The following MCF2L2 variants were observed in gnomAD, a reference collection of about 807,000 sequenced individuals.
MCF2L2 encodes the protein probable guanine nucleotide exchange factor MCF2L2.
In MCF2L2, 102 loss-of-function variants were observed where a neutral mutation model predicts 150.2. The ratio of observed to expected loss-of-function variants is 0.68; its 90% CI spans 0.58 to 0.80. MCF2L2 has a LOEUF of 0.80. Among genes scored for constraint, MCF2L2 ranks in the 30% least tolerant of loss-of-function variants. MCF2L2 has a pLI of 0.00. For synonymous variants in MCF2L2, 465 were observed against 491.3 expected (o/e 0.95, Z 0.71); for missense variants, 1,256 against 1,372.8 (o/e 0.91, Z 1.34).
intron 1 of MCF2L2, among the ~76,000 whole-genome samples, chr3:183,406,909 T>C (rs1347506830): frequency 6.6e-6 from 1 of 152,224 alleles, no homozygotes; most frequent in Non-Finnish European, 1.5e-5. Flanking sequence ...ATTTCTCTTA[T>C]GAACCAGACT....
In MCF2L2 at chr3:183,398,585, G is replaced by C. The variant is rs538801518; in HGVS notation, c.77-8806C>G. On this transcript the variant is annotated intron_variant, in intron 1 of 29. Coordinates refer to ENST00000328913, the MANE Select transcript of MCF2L2 (RefSeq NM_015078.4). ...TTCTTTAAAAAAAGAAAAAAGGGAG[G>C]AGGGACAGTCAGTGGAAAAGCAAAC... is the stretch of plus-strand genomic sequence containing the variant. 2.0e-5 allele frequency among the ~76,000 whole-genome samples: 3 copies of C among 151,820 alleles called. No homozygotes were observed. In the South Asian group the frequency reaches 6.2e-4, roughly 32 times the overall value.
chr3:183,301,354 G>A (rs1577044367), intron 10 of MCF2L2, among the ~76,000 whole-genome samples: 1 of 152,116 alleles, frequency 6.6e-6, no homozygotes, highest in East Asian at 1.9e-4. Context: ...TAGGTCATAT[G>A]GTATCTTAGA....
chr3:183,298,110 A>T (rs1270887626), intron 11 of MCF2L2: 1 of 152,224 alleles, frequency 6.6e-6, no homozygotes, highest in African/African-American at 2.4e-5. Context: ...TTTGTAACTC[A>T]GCACAGCGAT....
chr3:183,228,472 G>C, intron 17 of MCF2L2, 106 bp from the exon 18 acceptor site: 1 of 699,996 alleles, frequency 1.4e-6, no homozygotes, highest in South Asian at 1.8e-5. Flanking sequence ...CTAGAAAAAT[G>C]TTCTCCAGGC....
chr3:183,407,904 C>T (rs752697773), intron 1 of MCF2L2, among the ~76,000 whole-genome samples: 2 of 151,846 alleles, frequency 1.3e-5, no homozygotes, highest in Admixed American at 6.6e-5. Flanking sequence ...CTCTTCACGG[C>T]GGGGGAGAAA....
chr3:183,317,919 G>A, intron 7 of MCF2L2, 149 bp downstream of exon 7: 5 of 955,524 alleles, frequency 5.2e-6, no homozygotes, highest in Non-Finnish European at 6.1e-6. Context: ...CTGCCTGTCT[G>A]GAAGGTTTAA....
chr3:183,209,511 C>T (rs920206358), intron 22 of MCF2L2, among the ~76,000 whole-genome samples: 4 of 152,022 alleles, frequency 2.6e-5, no homozygotes, highest in Admixed American at 6.6e-5. Flanking sequence ...TTTTTTGAGA[C>T]GGAGTCTTAC....
chr3:183,394,904 G>A (rs62287164), intron 1 of MCF2L2, among the ~76,000 whole-genome samples: 39,237 of 152,070 alleles, frequency 0.26, 5,937 homozygotes, highest in Non-Finnish European at 0.36. Flanking sequence ...TTGGAAAGTC[G>A]TTTCTCAATC....
At chr3:183,380,604 G>A (rs574262122) in intron 2 of MCF2L2, among the ~76,000 whole-genome samples, 5 of 152,172 alleles carry the variant, frequency 3.3e-5, no homozygotes, top group South Asian at 2.1e-4. Flanking sequence ...GTTTCATCAC[G>A]TTGGCCAGGC....
chr3:183,207,195 G>A (rs935839657), intron 23 of MCF2L2, among the ~76,000 whole-genome samples: 4 of 152,070 alleles, frequency 2.6e-5, no homozygotes, highest in African/African-American at 9.7e-5. Context: ...TGTGGGCCTG[G>A]GTGCCTTAGA....
intron 2 of MCF2L2, among the ~76,000 whole-genome samples, chr3:183,386,673 T>C (rs908817304): frequency 1.3e-5 from 2 of 152,180 alleles, no homozygotes; most frequent in African/African-American, 4.8e-5. Flanking sequence ...AAAAGGAAGC[T>C]GCTATGAGTT....
chr3:183,320,916 G>A (rs921535897), intron 6 of MCF2L2, among the ~76,000 whole-genome samples: 1 of 152,120 alleles, frequency 6.6e-6, no homozygotes, highest in Non-Finnish European at 1.5e-5. Context: ...AACACTTAGA[G>A]GTCATTGTAA....
chr3:183,263,574 T>C (rs1725817225), intron 15 of MCF2L2, among the ~76,000 whole-genome samples: 1 of 152,166 alleles, frequency 6.6e-6, no homozygotes, highest in Non-Finnish European at 1.5e-5. Context: ...TCCAGGCCCA[T>C]TGCTGTCTCT....
At chr3:183,351,225 T>C (rs1382487242) in intron 3 of MCF2L2, among the ~76,000 whole-genome samples, 1 of 94,272 alleles carries the variant, frequency 1.1e-5, no homozygotes, top group Non-Finnish European at 1.9e-5. Flanking sequence ...TATATATATA[T>C]ATATATATAT....
intron 15 of MCF2L2, among the ~76,000 whole-genome samples, chr3:183,262,009 TATATGA>T (rs1242442044): frequency 4.1e-5 from 6 of 144,736 alleles, no homozygotes; most frequent in African/African-American, 1.3e-4. Flanking sequence ...TATATATATA[TATATGA>T]ATATTTATTA....
At chr3:183,212,088 T>C (rs1722742739) in intron 22 of MCF2L2, among the ~76,000 whole-genome samples, 1 of 152,020 alleles carries the variant, frequency 6.6e-6, no homozygotes, top group South Asian at 2.1e-4. Flanking sequence ...AGGCAGAAAT[T>C]GGAGTGGCAC....
At chr3:183,343,736 T>A (rs576807850) in intron 3 of MCF2L2, among the ~76,000 whole-genome samples, 17 of 152,198 alleles carry the variant, frequency 1.1e-4, no homozygotes, top group Non-Finnish European at 1.8e-4. Context: ...ACGTTAAATA[T>A]GTGAATAAGT....
At chr3:183,258,060 T>C (rs1395798649) in intron 15 of MCF2L2, among the ~76,000 whole-genome samples, 1 of 131,438 alleles carries the variant, frequency 7.6e-6, no homozygotes, top group Non-Finnish European at 1.6e-5. Context: ...CTCCGCCTCC[T>C]GGGTTCAAGC....
intron 5 of MCF2L2, among the ~76,000 whole-genome samples, chr3:183,324,598 T>C (rs1018513328): frequency 1.3e-5 from 2 of 152,084 alleles, no homozygotes; most frequent in African/African-American, 2.4e-5. Flanking sequence ...CCAGGTACGG[T>C]GGTTTGCACC....
Sources: allele counts gnomAD v4.1 joint callset (sites outside exome capture counted in the v4.1 genomes callset), GRCh38; gene constraint gnomAD v4.1.1; transcripts MANE v1.5; gene names NCBI Gene and HGNC (gene_info 2026-07-23, HGNC 2026-07-21).